RALGAPA2: variants seen among roughly 807,000 people sequenced by gnomAD.
RALGAPA2 encodes ral GTPase-activating protein subunit alpha-2.
A neutral mutation model predicts 230.4 loss-of-function variants in RALGAPA2; 139 were observed. That is an observed-to-expected ratio of 0.60 (90% CI 0.53 to 0.69). RALGAPA2 has a LOEUF of 0.69. Ranked by LOEUF, RALGAPA2 falls within the 30% of genes least tolerant of loss-of-function variation. The pLI, the probability that RALGAPA2 is intolerant of heterozygous loss-of-function variation, is 0.00. For missense variants in RALGAPA2, 2,163 were observed against 2,276.0 expected, an observed-to-expected ratio of 0.95 and a Z score of 1.01; for synonymous variants, 847 against 837.8, an observed-to-expected ratio of 1.01 and a Z score of -0.19.
At position 20,560,037 on chromosome 20, in the gene RALGAPA2, T is replaced by G. The variant is rs145132638; in HGVS notation, c.3156+11421A>C. On this transcript the variant is annotated intron_variant, in intron 23 of 39. Coordinates refer to ENST00000202677, the MANE Select transcript of RALGAPA2 (RefSeq NM_020343.4). The stretch of plus-strand genomic sequence containing the variant: ...AACTGGGTTGAAGGTACCATGTTAG[T>G]TGCTGTGAGGTTCTAAGGCAGCCCC... 8.5e-5 allele frequency among the ~76,000 whole-genome samples: 13 copies of G among 152,266 alleles called. No individual in the cohort carries two copies. In the East Asian group the frequency reaches 2.5e-3, roughly 29 times the overall value.
chr20:20,511,059 T>C (rs998928448), intron 33 of RALGAPA2, among the ~76,000 whole-genome samples, 195 bp downstream of exon 33: 4 of 152,262 alleles, frequency 2.6e-5, no homozygotes, highest in Middle Eastern at 3.4e-3. Flanking sequence ...CTCTTTTTAG[T>C]GTATCAAACA....
chr20:20,429,879 T>C (rs1422627278), intron 37 of RALGAPA2, among the ~76,000 whole-genome samples: 1 of 152,242 alleles, frequency 6.6e-6, no homozygotes, highest in African/African-American at 2.4e-5. Context: ...TTTAATTATG[T>C]GCCACTTGGT....
intron 1 of RALGAPA2, among the ~76,000 whole-genome samples, chr20:20,698,273 A>G (rs1568769502): frequency 7.0e-6 from 1 of 142,526 alleles, no homozygotes; most frequent in Non-Finnish European, 1.6e-5. Context: ...CTTTTAAATG[A>G]TTTTTTTTTT....
chr20:20,442,684 T>C (rs879257303), intron 37 of RALGAPA2, among the ~76,000 whole-genome samples: 9 of 152,228 alleles, frequency 5.9e-5, no homozygotes, highest in Admixed American at 5.9e-4. Context: ...TATCTCTGAA[T>C]TATAAGATCC....
intron 1 of RALGAPA2, among the ~76,000 whole-genome samples, chr20:20,703,974 G>GA (rs1484482673): frequency 2.0e-5 from 3 of 151,482 alleles, no homozygotes; most frequent in Non-Finnish European, 4.4e-5. Flanking sequence ...ACTCCCTAAG[G>GA]AAAAAAAACA....
intron 14 of RALGAPA2, among the ~76,000 whole-genome samples, chr20:20,609,918 A>G (rs1350257147): frequency 6.6e-6 from 1 of 152,232 alleles, no homozygotes; most frequent in African/African-American, 2.4e-5. Flanking sequence ...TCAGAGTAAA[A>G]GCAATTGTAA....
intron 36 of RALGAPA2, among the ~76,000 whole-genome samples, chr20:20,474,412 T>C (rs1427400820): frequency 6.6e-6 from 1 of 152,172 alleles, no homozygotes; most frequent in East Asian, 1.9e-4. Context: ...CCTGAGGATT[T>C]AGGGAAGCAG....
rs758379115 is a variant in RALGAPA2, at chr20:20,677,629, A to ATTTTTTTTT, written c.218-1350_218-1342dup. ...GCAGCCAAGAATCATGATTTGACCCATTTTTTTTTTTTTTTTTTTTTTTTT... is the reference window on the plus strand; with the variant it reads ...GCAGCCAAGAATCATGATTTGACCCATTTTTTTTTTTTTTTTTTTTTTTTTTTTTTTTTT... On this transcript the variant is annotated intron_variant, in intron 2 of 39. Coordinates refer to ENST00000202677, the MANE Select transcript of RALGAPA2 (RefSeq NM_020343.4). Among the ~76,000 whole-genome samples the ATTTTTTTTT allele has an allele frequency of 2.5e-4, 16 of 64,312 alleles. 1 individual carries two copies. The highest frequency in any genetic ancestry group is 4.4e-4 in the African/African-American group (6 of 13,748). The allele number at this position is 64,312 out of a possible 152,430, so 42.2% of individuals were successfully genotyped here.
intron 1 of RALGAPA2, among the ~76,000 whole-genome samples, chr20:20,689,738 C>T (rs900122634): frequency 2.6e-5 from 4 of 152,228 alleles, no homozygotes; most frequent in African/African-American, 9.7e-5. Context: ...CAAAAAAAGA[C>T]TCTTAATACA....
chr20:20,541,013 G>A (rs543862943), intron 24 of RALGAPA2, among the ~76,000 whole-genome samples: 7 of 150,940 alleles, frequency 4.6e-5, no homozygotes, highest in East Asian at 3.9e-4. Flanking sequence ...ATTATATATC[G>A]CAATCTAGGC....
chr20:20,503,614 C>T (rs911370102), intron 34 of RALGAPA2, 108 bp from the exon 35 acceptor site: 2 of 910,810 alleles, frequency 2.2e-6, no homozygotes, highest in African/African-American at 3.5e-5. Flanking sequence ...GTTTTTATAT[C>T]TTTCTTTCTG....
At chr20:20,682,101 T>C (rs186025741) in intron 1 of RALGAPA2, among the ~76,000 whole-genome samples, 52 of 152,320 alleles carry the variant, frequency 3.4e-4, no homozygotes, top group African/African-American at 1.2e-3. Flanking sequence ...CTGATAATTG[T>C]ATAAGAGCTT....
Position 20,706,534 on chromosome 20 carries a change from G to C in RALGAPA2, c.106+5841C>G, listed in dbSNP as rs192314839. Among the ~76,000 whole-genome samples, 3 of 152,318 alleles carry C rather than the reference G, an allele frequency of 2.0e-5. 1 individual carries two copies. Among genetic ancestry groups the C allele is most frequent in the Admixed American group, 2.0e-4 (3 of 15,290 alleles). ...ACCTGCTAGGCCTGCCAAGGTTACA[G>C]GGAAGGCAATGAACACTAAAACACC... On this transcript the variant is annotated intron_variant, in intron 1 of 39. Transcript: ENST00000202677.
At chr20:20,434,491 C>A (rs1308034190) in intron 37 of RALGAPA2, among the ~76,000 whole-genome samples, 1 of 152,102 alleles carries the variant, frequency 6.6e-6, no homozygotes, top group Non-Finnish European at 1.5e-5. Flanking sequence ...CCTCTGATAT[C>A]CTAACACTAA....
intron 36 of RALGAPA2, among the ~76,000 whole-genome samples, chr20:20,479,986 G>T (rs1218956054): frequency 6.6e-6 from 1 of 152,110 alleles, no homozygotes; most frequent in Non-Finnish European, 1.5e-5. Context: ...CAAATGGTTA[G>T]AAAAGGAAAT....
intron 37 of RALGAPA2, among the ~76,000 whole-genome samples, chr20:20,451,228 T>G (rs752235891): frequency 1.3e-5 from 2 of 152,176 alleles, no homozygotes; most frequent in Non-Finnish European, 2.9e-5. Context: ...TTTTGTTTCA[T>G]TTTCAGAGAA....
chr20:20,400,120 T>C (rs984998915), intron 38 of RALGAPA2, among the ~76,000 whole-genome samples: 3 of 152,210 alleles, frequency 2.0e-5, no homozygotes, highest in South Asian at 2.1e-4. Context: ...GGAATGGCTC[T>C]GAGGAAGGGA....
chr20:20,636,550 G>GTGTGTA (rs1222457920), intron 8 of RALGAPA2, among the ~76,000 whole-genome samples: 4 of 151,648 alleles, frequency 2.6e-5, no homozygotes, highest in African/African-American at 9.7e-5. Context: ...GTGTGTGTGT[G>GTGTGTA]TGTGTGTATG....
At chr20:20,505,614 A>G in intron 33 of RALGAPA2, 80 bp from the exon 34 acceptor site, 1 of 1,222,738 alleles carries the variant, frequency 8.2e-7, no homozygotes, top group Non-Finnish European at 1.1e-6. Flanking sequence ...CACCAGCATG[A>G]CTTCTACCAC....
Sources: allele counts gnomAD v4.1 joint callset (sites outside exome capture counted in the v4.1 genomes callset), GRCh38; gene constraint gnomAD v4.1.1; transcripts MANE v1.5; gene names NCBI Gene and HGNC (gene_info 2026-07-23, HGNC 2026-07-21).